Variants in GSG1L observed in about 807,000 individuals in gnomAD.
The protein encoded by GSG1L is germ cell-specific gene 1-like protein.
In GSG1L, 24 loss-of-function variants were observed where a neutral mutation model predicts 42.1. That is an observed-to-expected ratio of 0.57 (90% confidence interval 0.41 to 0.80). The LOEUF (loss-of-function observed/expected upper bound fraction) is 0.80. GSG1L is among the 30% of genes least tolerant of loss of function. The probability of loss-of-function intolerance (pLI) is 0.00; values close to 1 mark genes in which losing one functional copy is unlikely to be tolerated. For missense variants in GSG1L, 445 were observed against 472.2 expected, an observed-to-expected ratio of 0.94 and a Z score of 0.53; for synonymous variants, 215 against 203.5, an observed-to-expected ratio of 1.06 and a Z score of -0.48.
intron 1 of GSG1L, among the ~76,000 whole-genome samples, chr16:28,011,712 C>A (rs1388053882): frequency 6.6e-6 from 1 of 152,166 alleles, no homozygotes; most frequent in Non-Finnish European, 1.5e-5. Flanking sequence ...CAGGGCAGTG[C>A]CTTGGGATGG....
At chr16:27,803,204 C>G (rs545798621) in intron 6 of GSG1L, among the ~76,000 whole-genome samples, 1 of 152,258 alleles carries the variant, frequency 6.6e-6, no homozygotes, top group African/African-American at 2.4e-5. Context: ...GTCCCCCCAG[C>G]TCCACGGTGG....
chr16:28,002,751 A>C (rs1393000773), intron 1 of GSG1L, among the ~76,000 whole-genome samples: 1 of 151,700 alleles, frequency 6.6e-6, no homozygotes, highest in African/African-American at 2.4e-5. Flanking sequence ...TAACACGGTG[A>C]AACCCCGTCT....
chr16:27,796,709 T>A (rs570784249), intron 6 of GSG1L, among the ~76,000 whole-genome samples: 23 of 152,208 alleles, frequency 1.5e-4, no homozygotes, highest in Admixed American at 2.6e-4. Flanking sequence ...GGGCCATCTA[T>A]CTCTCCACTG....
chr16:28,001,403 C>T (rs2085576921), intron 1 of GSG1L, among the ~76,000 whole-genome samples: 1 of 152,196 alleles, frequency 6.6e-6, no homozygotes, highest in African/African-American at 2.4e-5. Context: ...ACAAGACACA[C>T]AGTGTTGTCA....
intron 1 of GSG1L, among the ~76,000 whole-genome samples, chr16:28,053,183 C>T (rs1411948203): frequency 1.3e-5 from 2 of 152,178 alleles, no homozygotes; most frequent in East Asian, 3.8e-4. Context: ...AGCAGAAGCC[C>T]CACAAATGTG....
At position 27,962,919 on chromosome 16, in the gene GSG1L, C is replaced by A. The variant is rs556275453; in HGVS notation, c.397+237G>T. Among the ~76,000 whole-genome samples, 4 of 152,322 alleles carry A rather than the reference C, an allele frequency of 2.6e-5. No individual in the cohort carries two copies. The South Asian group carries it at 8.3e-4, about 32-fold the overall frequency. On this transcript the variant is annotated intron_variant, in intron 2 of 6. Transcript: ENST00000447459. ...ACTGGACAGAATGGAAGGGTGATGA[C>A]CCTCAGGACTACTCTGTCAGACAGG... is the stretch of plus-strand genomic sequence containing the variant.
intron 1 of GSG1L, among the ~76,000 whole-genome samples, chr16:28,008,957 C>T (rs112970218): frequency 6.6e-6 from 1 of 151,812 alleles, no homozygotes; most frequent in Non-Finnish European, 1.5e-5. Context: ...TACAGTTACC[C>T]GCCACCACGC....
At chr16:27,810,768 A>G (rs1597465661) in intron 5 of GSG1L, among the ~76,000 whole-genome samples, 1 of 151,514 alleles carries the variant, frequency 6.6e-6, no homozygotes, top group Non-Finnish European at 1.5e-5. Context: ...GCTCACCACA[A>G]CCTCCTCCTC....
At chr16:27,926,866 G>A (rs141468062) in intron 2 of GSG1L, among the ~76,000 whole-genome samples, 1 of 152,096 alleles carries the variant, frequency 6.6e-6, no homozygotes, top group African/African-American at 2.4e-5. Flanking sequence ...ATTTAATAAC[G>A]GCCCAATTAA....
intron 5 of GSG1L, among the ~76,000 whole-genome samples, chr16:27,817,208 G>C (rs2083105008): frequency 6.6e-6 from 1 of 152,150 alleles, no homozygotes; most frequent in African/African-American, 2.4e-5. Flanking sequence ...GCGTTATCAG[G>C]GGGCCTACCA....
At chr16:27,883,047 A>G (rs1470781462) in intron 3 of GSG1L, among the ~76,000 whole-genome samples, 1 of 150,760 alleles carries the variant, frequency 6.6e-6, no homozygotes, top group African/African-American at 2.4e-5. Flanking sequence ...TGAGCCCTGA[A>G]GGTCAAGGCT....
At chr16:28,041,905 C>G (rs1767899610) in intron 1 of GSG1L, among the ~76,000 whole-genome samples, 1 of 152,198 alleles carries the variant, frequency 6.6e-6, no homozygotes, top group East Asian at 1.9e-4. Flanking sequence ...GAGAATCGCT[C>G]CAGGATCGCT....
chr16:27,876,846 A>G lies in GSG1L; in HGVS notation c.550+7640T>C, dbSNP rs1338603122. Among the ~76,000 whole-genome samples the G allele has an allele frequency of 2.0e-5, 3 of 152,308 alleles. No homozygotes were observed. The East Asian group carries it at 5.8e-4, about 29-fold the overall frequency. On this transcript the variant is annotated intron_variant, in intron 3 of 6. Transcript: ENST00000447459. ...TCAAAGAGTTACCTTGTCTTTGGTA[A>G]TTTGGGTTTTATTGTGACATTTCAT... is the stretch of plus-strand genomic sequence containing the variant.
chr16:27,987,902 G>A (rs1184225248), intron 1 of GSG1L, among the ~76,000 whole-genome samples: 12 of 137,238 alleles, frequency 8.7e-5, no homozygotes, highest in South Asian at 2.3e-4. Flanking sequence ...AGCCGAAATC[G>A]TGCCACTGCA....
chr16:28,019,592 C>A (rs181765843), intron 1 of GSG1L, among the ~76,000 whole-genome samples: 2 of 152,312 alleles, frequency 1.3e-5, no homozygotes, highest in East Asian at 3.9e-4. Context: ...TATGGCTTCA[C>A]CTCAAATTCT....
intron 1 of GSG1L, among the ~76,000 whole-genome samples, chr16:27,963,614 C>T (rs2085095390): frequency 6.6e-6 from 1 of 152,236 alleles, no homozygotes; most frequent in South Asian, 2.1e-4. Context: ...ACAGCTTGCT[C>T]CTGTTTGAAA....
At chr16:27,939,714 G>A (rs2084764496) in intron 2 of GSG1L, among the ~76,000 whole-genome samples, 1 of 152,184 alleles carries the variant, frequency 6.6e-6, no homozygotes, top group Non-Finnish European at 1.5e-5. Flanking sequence ...TATGCCATAC[G>A]AAAGTTCCCC....
intron 1 of GSG1L, among the ~76,000 whole-genome samples, chr16:27,989,971 T>G (rs568946759): frequency 1.3e-5 from 2 of 152,270 alleles, no homozygotes; most frequent in Admixed American, 1.3e-4. Context: ...AGGAAATTCA[T>G]GGAAAGGACC....
At chr16:27,809,274 G>T (rs191271746) in intron 5 of GSG1L, among the ~76,000 whole-genome samples, 249 of 152,184 alleles carry the variant, frequency 1.6e-3, no homozygotes, top group Non-Finnish European at 3.0e-3. Flanking sequence ...GTGGTGGTGT[G>T]TGCTTCTAGT....
Sources: allele counts gnomAD v4.1 joint callset (sites outside exome capture counted in the v4.1 genomes callset), GRCh38; gene constraint gnomAD v4.1.1; transcripts MANE v1.5; gene names NCBI Gene and HGNC (gene_info 2026-07-23, HGNC 2026-07-21).